Variants in B3GALT1 observed in about 807,000 individuals in gnomAD.
B3GALT1 encodes the protein UDP-Gal:betaGlcNAc beta 1,3-galactosyltransferase, polypeptide 1.
B3GALT1 carries 10 observed loss-of-function variants against 23.2 expected under a neutral mutation model. The observed-to-expected ratio is 0.43, with a 90% confidence interval of 0.27 to 0.73. The LOEUF is 0.73. Among genes scored for constraint, B3GALT1 ranks in the 30% least tolerant of loss-of-function variants. B3GALT1 has a pLI of 0.21. For missense variants in B3GALT1, 299 were observed against 405.4 expected, an observed-to-expected ratio of 0.74 and a Z score of 2.25; for synonymous variants, 156 against 141.5, an observed-to-expected ratio of 1.10 and a Z score of -0.73.
chr2:167,775,864 C>G (rs534463777), intron 3 of B3GALT1, among the ~76,000 whole-genome samples: 2 of 152,008 alleles, frequency 1.3e-5, no homozygotes, highest in African/African-American at 4.8e-5. Context: ...CAGGAACTGT[C>G]AAATACAGAG....
intron 1 of B3GALT1, among the ~76,000 whole-genome samples, chr2:167,467,460 G>T (rs549231842): frequency 2.0e-5 from 3 of 152,248 alleles, no homozygotes; most frequent in Non-Finnish European, 4.4e-5. Context: ...ATTACTTTGA[G>T]TTACTCCTAC....
chr2:167,362,562 G>A (rs1228968501), intron 1 of B3GALT1, among the ~76,000 whole-genome samples: 3 of 151,602 alleles, frequency 2.0e-5, no homozygotes, highest in East Asian at 3.9e-4. Flanking sequence ...TTTCAGGTTC[G>A]TTCATTCCCA....
At chr2:167,645,559 T>A (rs1685734636) in intron 2 of B3GALT1, among the ~76,000 whole-genome samples, 1 of 132,090 alleles carries the variant, frequency 7.6e-6, no homozygotes, top group African/African-American at 2.9e-5. Context: ...AATAATTTTT[T>A]TTTTTTTTTT....
At chr2:167,515,712 G>C (rs1346503625) in intron 2 of B3GALT1, among the ~76,000 whole-genome samples, 1 of 152,010 alleles carries the variant, frequency 6.6e-6, no homozygotes, top group Admixed American at 6.6e-5. Flanking sequence ...ACCCATCATA[G>C]AGCAAGTTTA....
intron 2 of B3GALT1, among the ~76,000 whole-genome samples, chr2:167,516,019 G>T (rs1038292142): frequency 3.9e-5 from 6 of 151,954 alleles, no homozygotes; most frequent in Non-Finnish European, 8.8e-5. Context: ...TTTGTCTTCT[G>T]AACAAAATTT....
At chr2:167,396,883 C>T (rs1698107984) in intron 1 of B3GALT1, among the ~76,000 whole-genome samples, 1 of 151,964 alleles carries the variant, frequency 6.6e-6, no homozygotes, top group Non-Finnish European at 1.5e-5. Flanking sequence ...GAAGAAGGTC[C>T]TCATAAAAAT....
chr2:167,788,714 G>C (rs1379118179), intron 3 of B3GALT1, among the ~76,000 whole-genome samples: 2 of 152,002 alleles, frequency 1.3e-5, no homozygotes, highest in Non-Finnish European at 2.9e-5. Context: ...TGGCCCAGGG[G>C]TTGGGGACCC....
chr2:167,692,144 G>T (rs914866432), intron 3 of B3GALT1, among the ~76,000 whole-genome samples: 2 of 152,126 alleles, frequency 1.3e-5, no homozygotes, highest in African/African-American at 2.4e-5. Context: ...CCTTCCAACT[G>T]CCAGGTACCA....
intron 3 of B3GALT1, among the ~76,000 whole-genome samples, chr2:167,717,315 G>A (rs1288568248): frequency 1.3e-5 from 2 of 148,802 alleles, no homozygotes; most frequent in East Asian, 4.0e-4. Context: ...ATACTTTTAA[G>A]TTTTAGGGTA....
At chr2:167,628,537 C>T (rs1685386257) in intron 2 of B3GALT1, among the ~76,000 whole-genome samples, 1 of 151,714 alleles carries the variant, frequency 6.6e-6, no homozygotes, top group Non-Finnish European at 1.5e-5. Flanking sequence ...GATCCTCAGC[C>T]ACCAGTAGGA....
intron 1 of B3GALT1, among the ~76,000 whole-genome samples, chr2:167,418,873 C>T (rs1675895774): frequency 6.6e-6 from 1 of 152,092 alleles, no homozygotes; most frequent in Admixed American, 6.5e-5. Flanking sequence ...CCCATCTGAG[C>T]AAGAAGGTGT....
chr2:167,645,499 C>G (rs1316464354), intron 2 of B3GALT1, among the ~76,000 whole-genome samples: 1 of 150,728 alleles, frequency 6.6e-6, no homozygotes, highest in Non-Finnish European at 1.5e-5. Context: ...TCTCATGACA[C>G]TTCACTGGTT....
chr2:167,783,782 G>A (rs1688289879), intron 3 of B3GALT1, among the ~76,000 whole-genome samples: 5 of 152,190 alleles, frequency 3.3e-5, no homozygotes, highest in Admixed American at 3.3e-4. Flanking sequence ...AAGTCCTGCA[G>A]TCAGGTGAAA....
chr2:167,551,526 A>G (rs1683746001), intron 2 of B3GALT1, among the ~76,000 whole-genome samples: 1 of 152,166 alleles, frequency 6.6e-6, no homozygotes, highest in Admixed American at 6.5e-5. Flanking sequence ...ATCATTGTGT[A>G]GACTTGTGCA....
At chr2:167,848,030 C>T (rs543557664) in intron 4 of B3GALT1, among the ~76,000 whole-genome samples, 1 of 152,082 alleles carries the variant, frequency 6.6e-6, no homozygotes, top group East Asian at 1.9e-4. Flanking sequence ...ACCCTCCTAG[C>T]TTAAATCAGG....
chr2:167,514,221 CT>C (rs1700069329), intron 2 of B3GALT1, among the ~76,000 whole-genome samples: 2 of 152,108 alleles, frequency 1.3e-5, no homozygotes, highest in African/African-American at 2.4e-5. Flanking sequence ...GTGATTTAAA[CT>C]TTAAAATAAT....
intron 3 of B3GALT1, among the ~76,000 whole-genome samples, chr2:167,675,099 T>C (rs2105487266): frequency 6.6e-6 from 1 of 152,308 alleles, no homozygotes; most frequent in South Asian, 2.1e-4. Context: ...GGCTGAGCTC[T>C]TGTTTAGCAC....
intron 3 of B3GALT1, among the ~76,000 whole-genome samples, chr2:167,677,705 C>T (rs902939429): frequency 6.6e-6 from 1 of 152,154 alleles, no homozygotes; most frequent in Non-Finnish European, 1.5e-5. Flanking sequence ...ACCCTGGACC[C>T]CGTGTAGTAG....
intron 2 of B3GALT1, among the ~76,000 whole-genome samples, chr2:167,517,570 T>C (rs1194074780): frequency 6.6e-6 from 1 of 152,048 alleles, no homozygotes; most frequent in Non-Finnish European, 1.5e-5. Context: ...ATCTTTTTCA[T>C]TGATTACCAT....
Sources: gnomAD v4.1 joint callset for allele counts (sites outside exome capture counted in the v4.1 genomes callset) on GRCh38, gnomAD v4.1.1 for gene constraint, MANE v1.5 for transcripts, NCBI Gene and HGNC (gene_info 2026-07-23, HGNC 2026-07-21) for gene names.